The following CLDN10 variants were observed in gnomAD, a reference collection of about 807,000 sequenced individuals.
CLDN10 encodes the protein claudin 10.
CLDN10 carries 15 observed loss-of-function variants against 22.9 expected under a neutral mutation model. The ratio of observed to expected loss-of-function variants is 0.65; its 90% CI spans 0.44 to 1.01. The LOEUF (loss-of-function observed/expected upper bound fraction) is 1.01, where lower values mean the gene tolerates loss of function less well. Ranked by LOEUF, CLDN10 falls within the 50% of genes least tolerant of loss-of-function variation. CLDN10 has a pLI of 0.00. For synonymous variants in CLDN10, 114 were observed against 111.4 expected (o/e 1.02, Z -0.15); for missense variants, 247 against 287.8 (o/e 0.86, Z 1.03).
chr13:95,437,338 A>C (rs1490933658), intron 1 of CLDN10, among the ~76,000 whole-genome samples: 1 of 152,262 alleles, frequency 6.6e-6, no homozygotes, highest in African/African-American at 2.4e-5. Flanking sequence ...CTTGATTAAA[A>C]TCCAAAGCCA....
chr13:95,486,050 G>A (rs2042800469), intron 1 of CLDN10, among the ~76,000 whole-genome samples: 1 of 152,180 alleles, frequency 6.6e-6, no homozygotes, highest in African/African-American at 2.4e-5. Flanking sequence ...CTTTCAGAGT[G>A]CCTCAGCTAC....
At chr13:95,452,133 T>C (rs1310040691) in intron 1 of CLDN10, among the ~76,000 whole-genome samples, 1 of 152,214 alleles carries the variant, frequency 6.6e-6, no homozygotes, top group East Asian at 1.9e-4. Flanking sequence ...CTACCAATTG[T>C]TATCAATGGC....
chr13:95,543,460 A>G (rs1189443136), intron 1 of CLDN10, among the ~76,000 whole-genome samples: 2 of 152,162 alleles, frequency 1.3e-5, no homozygotes, highest in Admixed American at 1.3e-4. Context: ...AGTAAAAGAA[A>G]CTGGTGAGTC....
intron 1 of CLDN10, among the ~76,000 whole-genome samples, chr13:95,461,286 G>A (rs34105480): frequency 0.3 from 45,569 of 151,988 alleles, 8,424 homozygotes; most frequent in Non-Finnish European, 0.41. Context: ...ACCTTGAGTG[G>A]AGCTCAGCTA....
chr13:95,560,490 AG>A, intron 3 of CLDN10, 27 bp downstream of exon 3: 1 of 1,542,374 alleles, frequency 6.5e-7, no homozygotes, highest in Middle Eastern at 1.7e-4. Context: ...GTCTGTTTCC[AG>A]CTCACAGGAA....
chr13:95,518,756 CAA>C (rs11288575), intron 1 of CLDN10, among the ~76,000 whole-genome samples: 3 of 151,062 alleles, frequency 2.0e-5, no homozygotes, highest in Non-Finnish European at 3.0e-5. Context: ...GAGACTGTCT[CAA>C]AAAAAAAAAA....
chr13:95,572,152 G>C (rs1871893232), intron 3 of CLDN10, among the ~76,000 whole-genome samples: 1 of 152,084 alleles, frequency 6.6e-6, no homozygotes, highest in African/African-American at 2.4e-5. Flanking sequence ...GGAAGAAAAG[G>C]CAGCCCGAGG....
chr13:95,544,681 C>T (rs1426762862), intron 1 of CLDN10, among the ~76,000 whole-genome samples: 1 of 152,106 alleles, frequency 6.6e-6, no homozygotes, highest in East Asian at 1.9e-4. Flanking sequence ...CTGCATGAAC[C>T]TGAATCACGA....
At chr13:95,562,851 T>G (rs1449419359) in intron 3 of CLDN10, among the ~76,000 whole-genome samples, 1 of 152,256 alleles carries the variant, frequency 6.6e-6, no homozygotes, top group Non-Finnish European at 1.5e-5. Context: ...TCAAGGCTAA[T>G]TTGTGTACAA....
chr13:95,497,866 A>AGAAGT (rs60610959), intron 1 of CLDN10, among the ~76,000 whole-genome samples: 11,852 of 152,212 alleles, frequency 0.078, 520 homozygotes, highest in Non-Finnish European at 0.092. Context: ...AGAAGAGAAG[A>AGAAGT]GAAGTGAAGG....
intron 1 of CLDN10, among the ~76,000 whole-genome samples, chr13:95,558,706 G>A (rs370766589): frequency 1.4e-4 from 22 of 152,238 alleles, no homozygotes; most frequent in East Asian, 5.8e-4. Flanking sequence ...CAAGAGGATC[G>A]CTTGAGGCCA....
chr13:95,457,379 T>C (rs1474657750), intron 1 of CLDN10, among the ~76,000 whole-genome samples: 2 of 152,204 alleles, frequency 1.3e-5, no homozygotes, highest in African/African-American at 4.8e-5. Flanking sequence ...TGCAAATGGA[T>C]CCTCTTTCGT....
intron 1 of CLDN10, among the ~76,000 whole-genome samples, chr13:95,507,711 C>A (rs1156662441): frequency 1.3e-5 from 2 of 151,984 alleles, no homozygotes; most frequent in Non-Finnish European, 2.9e-5. Context: ...ACAACCTCTG[C>A]CTCCTGGGTT....
chr13:95,497,080 C>T (rs563654638), intron 1 of CLDN10: 9 of 151,308 alleles, frequency 5.9e-5, no homozygotes, highest in Admixed American at 1.3e-4. Context: ...GTTGTGAAGA[C>T]GAAATGCTTC....
intron 1 of CLDN10, among the ~76,000 whole-genome samples, chr13:95,467,800 G>C (rs940665342): frequency 3.3e-5 from 5 of 152,204 alleles, no homozygotes; most frequent in African/African-American, 1.2e-4. Context: ...AAACAGCAGA[G>C]CTGATGGTGT....
At chr13:95,483,149 T>C (rs1033971187) in intron 1 of CLDN10, among the ~76,000 whole-genome samples, 2 of 152,166 alleles carry the variant, frequency 1.3e-5, no homozygotes, top group Non-Finnish European at 2.9e-5. Context: ...TTGGTTTATG[T>C]AAAAGGTGTG....
intron 1 of CLDN10, among the ~76,000 whole-genome samples, chr13:95,489,568 G>T (rs190583992): frequency 6.6e-6 from 1 of 151,910 alleles, no homozygotes; most frequent in Non-Finnish European, 1.5e-5. Context: ...ACTTTTTGAT[G>T]GGATTTTTTT....
chr13:95,499,568 G>A (rs1234202393), intron 1 of CLDN10, among the ~76,000 whole-genome samples: 1 of 152,070 alleles, frequency 6.6e-6, no homozygotes, highest in Non-Finnish European at 1.5e-5. Flanking sequence ...AAATAGACAG[G>A]ACTAAGTGAT....
rs772363407 is a variant in CLDN10 at position 95,552,860 on chromosome 13, A to G, written c.107A>G (p.Asp36Gly). The change falls in exon 1 of 5, where the codon GAC (aspartate) becomes GGC (glycine). Residue 36 changes from aspartate (D) to glycine (G), a missense_variant. Coordinates refer to ENST00000299339, the MANE Select transcript of CLDN10 (RefSeq NM_006984.5). ...PTDYWKVSTI[D>G]GTVITTATYW... The stretch of plus-strand genomic sequence containing the variant: ...GACTACTGGAAGGTGTCTACCATCG[A>G]CGGCACGGTCATCACAACCGCCACC... 6.2e-7 allele frequency: 1 copy of G among 1,614,070 alleles called. No individual in the cohort carries two copies. Among genetic ancestry groups the G allele is most frequent in the Non-Finnish European group, 8.5e-7 (1 of 1,179,988 alleles).
Sources: allele counts gnomAD v4.1 joint callset (sites outside exome capture counted in the v4.1 genomes callset), GRCh38; gene constraint gnomAD v4.1.1; transcripts MANE v1.5; gene names NCBI Gene and HGNC (gene_info 2026-07-23, HGNC 2026-07-21).